The following IGF2BP3 variants were observed in gnomAD, a reference collection of about 807,000 sequenced individuals.
IGF2BP3 encodes insulin like growth factor 2 mRNA binding protein 3.
Under a neutral mutation model 73.8 loss-of-function variants are expected in IGF2BP3, and 9 were observed. The observed-to-expected ratio is 0.12, with a 90% CI of 0.07 to 0.21. The LOEUF is 0.21. Among genes scored for constraint, IGF2BP3 ranks in the 10% least tolerant of loss-of-function variants. IGF2BP3 has a pLI of 1.00. For missense variants in IGF2BP3, 542 were observed against 714.0 expected (o/e 0.76, Z 2.75); for synonymous variants, 258 against 256.7 (o/e 1.01, Z -0.05).
At chr7:23,316,172 T>C (rs1783982483) in intron 12 of IGF2BP3, among the ~76,000 whole-genome samples, 1 of 152,214 alleles carries the variant, frequency 6.6e-6, no homozygotes, top group Non-Finnish European at 1.5e-5. Flanking sequence ...CATGATTTTC[T>C]TTCTTCACCT....
rs557467066 is a variant in IGF2BP3 at position 23,412,842 on chromosome 7, C to CTTTTT, written c.285+5929_285+5933dup. On this transcript the variant is annotated intron_variant, in intron 3 of 14. Coordinates refer to ENST00000258729, the MANE Select transcript of IGF2BP3 (RefSeq NM_006547.3). ...GAAATCCTTTCCTTAAGACTCTGGC[C>CTTTTT]TTTTTTTTTTTTTTTTTTTTTTTTT... Among the ~76,000 whole-genome samples the CTTTTT allele has an allele frequency of 2.7e-3, 99 of 37,020 alleles. 17 individuals carry two copies. The highest frequency in any genetic ancestry group is 4.4e-3 in the East Asian group (4 of 906). 24.3% of individuals were successfully genotyped at this position (37,020 alleles called of 152,430 possible).
intron 10 of IGF2BP3, among the ~76,000 whole-genome samples, chr7:23,333,879 C>T (rs1269720704): frequency 1.3e-5 from 2 of 152,196 alleles, no homozygotes; most frequent in African/African-American, 4.8e-5. Context: ...CGTCCAATTC[C>T]CTTTGCTCCA....
intron 3 of IGF2BP3, among the ~76,000 whole-genome samples, chr7:23,398,279 A>G (rs1400431894): frequency 6.6e-6 from 1 of 152,130 alleles, no homozygotes; most frequent in African/African-American, 2.4e-5. Flanking sequence ...TCCATGGTGT[A>G]TATGTGCCAC....
At chr7:23,353,824 C>T (rs1785026487) in intron 5 of IGF2BP3, among the ~76,000 whole-genome samples, 1 of 152,214 alleles carries the variant, frequency 6.6e-6, no homozygotes, top group Non-Finnish European at 1.5e-5. Context: ...TACTTTCCTC[C>T]TGTCCCCTTT....
intron 1 of IGF2BP3, among the ~76,000 whole-genome samples, chr7:23,468,997 C>T (rs538388127): frequency 1.3e-5 from 2 of 152,348 alleles, no homozygotes; most frequent in East Asian, 3.9e-4. Context: ...TTGAGGAAGA[C>T]AGGGAGTGGC....
intron 3 of IGF2BP3, among the ~76,000 whole-genome samples, chr7:23,370,442 G>A (rs1279503669): frequency 1.3e-5 from 2 of 152,058 alleles, no homozygotes; most frequent in East Asian, 3.8e-4. Flanking sequence ...ACAATGTCGG[G>A]CATTATAGTC....
intron 10 of IGF2BP3, among the ~76,000 whole-genome samples, chr7:23,330,077 G>A (rs1324442331): frequency 6.6e-6 from 1 of 152,006 alleles, no homozygotes; most frequent in Non-Finnish European, 1.5e-5. Context: ...ACAAGGTCAG[G>A]AGTTCGACAC....
intron 11 of IGF2BP3, chr7:23,317,914 C>A: frequency 1.7e-6 from 1 of 580,644 alleles, no homozygotes; most frequent in Non-Finnish European, 3.1e-6. Context: ...TATTCTGTGC[C>A]GGGCCCTAAT....
intron 3 of IGF2BP3, among the ~76,000 whole-genome samples, chr7:23,379,345 T>G (rs1250452339): frequency 6.6e-6 from 1 of 152,176 alleles, no homozygotes; most frequent in Non-Finnish European, 1.5e-5. Flanking sequence ...AAAAAACTGC[T>G]TAAGTCCACA....
intron 5 of IGF2BP3, among the ~76,000 whole-genome samples, chr7:23,359,610 G>GC (rs1473999041): frequency 6.6e-6 from 1 of 152,096 alleles, no homozygotes; most frequent in Non-Finnish European, 1.5e-5. Flanking sequence ...ATTTTGGGAG[G>GC]CTGAGATGGG....
At chr7:23,401,474 T>C (rs1318094978) in intron 3 of IGF2BP3, among the ~76,000 whole-genome samples, 2 of 152,148 alleles carry the variant, frequency 1.3e-5, no homozygotes, top group African/African-American at 4.8e-5. Flanking sequence ...ATTTGAAAAG[T>C]CACTGCTATG....
rs576427043 is a variant in IGF2BP3 at position 23,336,069 on chromosome 7, C to A, written c.1203+5995G>T. On this transcript the variant is annotated intron_variant, in intron 10 of 14. Transcript: ENST00000258729. ...GCAAAGTTCTAGAATGGAATAGAGG[C>A]AAGGGATTTATCCAAAGAAGAGATG... Among the ~76,000 whole-genome samples the A allele has an allele frequency of 2.3e-4, 35 of 151,662 alleles. 1 individual carries two copies. Among genetic ancestry groups the A allele is most frequent in the Admixed American group, 2.0e-3 (30 of 15,210 alleles).
At chr7:23,418,474 T>C (rs1216232797) in intron 3 of IGF2BP3, among the ~76,000 whole-genome samples, 1 of 152,232 alleles carries the variant, frequency 6.6e-6, no homozygotes, top group Admixed American at 6.5e-5. Flanking sequence ...TAAATACAAT[T>C]GGCAAACTCA....
At chr7:23,374,404 T>C (rs1785653467) in intron 3 of IGF2BP3, among the ~76,000 whole-genome samples, 1 of 152,066 alleles carries the variant, frequency 6.6e-6, no homozygotes. Flanking sequence ...GTGGCTCAAA[T>C]CCATAATCCC....
At chr7:23,316,068 G>A (rs955450896) in intron 12 of IGF2BP3, among the ~76,000 whole-genome samples, 2 of 152,222 alleles carry the variant, frequency 1.3e-5, no homozygotes, top group African/African-American at 4.8e-5. Flanking sequence ...AAGTGACCCT[G>A]AGAGTTTGGG....
At chr7:23,438,640 T>C (rs934759193) in intron 2 of IGF2BP3, among the ~76,000 whole-genome samples, 1 of 151,978 alleles carries the variant, frequency 6.6e-6, no homozygotes, top group African/African-American at 2.4e-5. Context: ...AATTCCTTTC[T>C]ACTGGGAAGT....
chr7:23,431,251 T>C (rs1733651025), intron 2 of IGF2BP3: 1 of 152,186 alleles, frequency 6.6e-6, no homozygotes, highest in Non-Finnish European at 1.5e-5. Flanking sequence ...ACTTTACTAG[T>C]TGTTGAGGGA....
chr7:23,346,414 T>C (rs1239003002), intron 7 of IGF2BP3, among the ~76,000 whole-genome samples: 1 of 152,072 alleles, frequency 6.6e-6, no homozygotes, highest in African/African-American at 2.4e-5. Flanking sequence ...TGGAGATATG[T>C]GCATAATTTA....
At chr7:23,349,327 G>T (rs1340429670) in intron 6 of IGF2BP3, among the ~76,000 whole-genome samples, 6 of 152,092 alleles carry the variant, frequency 3.9e-5, no homozygotes, top group Non-Finnish European at 5.9e-5. Context: ...GTTGAAATCT[G>T]AAGATTTACC....
Sources: gnomAD v4.1 joint callset for allele counts (sites outside exome capture counted in the v4.1 genomes callset) on GRCh38, gnomAD v4.1.1 for gene constraint, MANE v1.5 for transcripts, NCBI Gene and HGNC (gene_info 2026-07-23, HGNC 2026-07-21) for gene names.